USP54: variants seen among roughly 807,000 people sequenced by gnomAD.
USP54 encodes the protein ubiquitin carboxyl-terminal hydrolase 54.
In USP54, 87 loss-of-function variants were observed where a neutral mutation model predicts 170.5. The ratio of observed to expected loss-of-function variants is 0.51; its 90% CI spans 0.43 to 0.61. The LOEUF is 0.61. Ranked by LOEUF, USP54 falls within the 20% of genes least tolerant of loss-of-function variation. The pLI, the probability that USP54 is intolerant of heterozygous loss-of-function variation, is 0.00. For synonymous variants in USP54, 655 were observed against 742.8 expected, an observed-to-expected ratio of 0.88 and a Z score of 1.92; for missense variants, 1,786 against 2,047.8, an observed-to-expected ratio of 0.87 and a Z score of 2.47.
At chr10:73,621,380 T>C (rs766317823) in intron 1 of USP54, among the ~76,000 whole-genome samples, 5 of 144,946 alleles carry the variant, frequency 3.4e-5, no homozygotes, top group Admixed American at 6.7e-5. Flanking sequence ...GACGGGAAGA[T>C]CACAAGGTCA....
chr10:73,600,477 A>G (rs555753910), intron 1 of USP54, among the ~76,000 whole-genome samples: 7 of 152,284 alleles, frequency 4.6e-5, no homozygotes, highest in African/African-American at 1.7e-4. Context: ...AATGAGGTAA[A>G]TGGTACATCA....
At chr10:73,531,651 T>C (rs1034658506) in intron 12 of USP54, among the ~76,000 whole-genome samples, 3 of 152,214 alleles carry the variant, frequency 2.0e-5, no homozygotes, top group Admixed American at 1.3e-4. Flanking sequence ...CTTTCCTTAA[T>C]TGTGGATCAT....
At position 73,516,593 on chromosome 10, in the gene USP54, G is replaced by A. The variant is rs147017396; in HGVS notation, c.3833C>T (p.Ala1278Val). 2 of 1,614,086 alleles carry A rather than the reference G, an allele frequency of 1.2e-6. No homozygotes were observed. Among genetic ancestry groups the A allele is most frequent in the African/African-American group, 2.7e-5 (2 of 74,920 alleles). ...RFCDSQLKHGAPRPGMKSSPH... is the reference protein window; with the variant it reads ...RFCDSQLKHGVPRPGMKSSPH... ...GGAGGACTTCATTCCTGGCCTAGGT[G>A]CCCCATGCTTAAGCTGAGAATCACA... Residue 1278 changes from alanine to valine, a missense_variant, in exon 20 of 24, where the codon GCA becomes GTA. Physicochemically the swap from Ala to Val is moderately conservative, Grantham distance 64. This residue lies in a region of USP54 where 1,418 missense variants were observed against 1,569.0 expected (regional missense o/e 0.90). Coordinates refer to ENST00000687698, the MANE Select transcript of USP54 (RefSeq NM_001391956.1).
chr10:73,617,985 C>T lies in USP54; in HGVS notation c.-18+7582G>A, dbSNP rs776949644. On this transcript the variant is annotated intron_variant, in intron 1 of 22. Coordinates refer to the USP54 transcript ENST00000339859. ...CAGCATTCTGGGAGTGCAAGGTTGA[C>T]GGATCATCTGAGGTCAGGAGTTCGA... is the stretch of plus-strand genomic sequence containing the variant. Among the ~76,000 whole-genome samples the T allele has an allele frequency of 1.7e-4, 26 of 150,260 alleles. 1 individual carries two copies. The highest frequency in any genetic ancestry group is 2.1e-4 in the Non-Finnish European group (14 of 68,018).
At chr10:73,586,061 G>A (rs1364593090) in intron 1 of USP54, among the ~76,000 whole-genome samples, 1 of 151,958 alleles carries the variant, frequency 6.6e-6, no homozygotes, top group Non-Finnish European at 1.5e-5. Context: ...AATATGTCTG[G>A]CACCAGCGTA....
intron 4 of USP54, among the ~76,000 whole-genome samples, chr10:73,570,278 T>G (rs562298988): frequency 6.6e-6 from 1 of 152,186 alleles, no homozygotes; most frequent in African/African-American, 2.4e-5. Context: ...ATCATAGCTC[T>G]TTCTCTTTAG....
At chr10:73,547,960 G>A (rs2068240547) in intron 4 of USP54, among the ~76,000 whole-genome samples, 1 of 151,904 alleles carries the variant, frequency 6.6e-6, no homozygotes. Context: ...CAGAACGGTA[G>A]AACATTTTTG....
intron 20 of USP54, among the ~76,000 whole-genome samples, chr10:73,511,439 T>C (rs934058249): frequency 2.0e-5 from 3 of 151,974 alleles, no homozygotes; most frequent in East Asian, 3.9e-4. Context: ...GGCAGGTGGA[T>C]TGCTTGAGCT....
chr10:73,570,263 T>TA (rs1046561453), intron 4 of USP54, among the ~76,000 whole-genome samples: 135 of 152,200 alleles, frequency 8.9e-4, no homozygotes, highest in African/African-American at 3.1e-3. Flanking sequence ...AATTGGCCCT[T>TA]ACACATCATA....
chr10:73,514,578 T>A (rs1351265150), intron 20 of USP54, among the ~76,000 whole-genome samples: 1 of 149,540 alleles, frequency 6.7e-6, no homozygotes, highest in African/African-American at 2.5e-5. Flanking sequence ...AAAAAAAAAA[T>A]TATTTGTGTA....
In USP54 at chr10:73,624,393, G is replaced by GC. The variant is rs966064623; in HGVS notation, c.-18+1173_-18+1174insG. On this transcript the variant is annotated intron_variant, in intron 1 of 22. Transcript: ENST00000339859. ...TTATATTTTTTTAGTAGAGACGGGGGGGGGGGGTTTCACCATGTTAGCCAG... is the reference window on the plus strand; with the variant it reads ...TTATATTTTTTTAGTAGAGACGGGGGCGGGGGGGTTTCACCATGTTAGCCAG... 25 of 140,810 alleles carry GC rather than the reference G, an allele frequency of 1.8e-4. 1 individual carries two copies. Among genetic ancestry groups the GC allele is most frequent in the African/African-American group, 5.9e-4 (23 of 38,846 alleles). 8.7% of individuals were successfully genotyped at this position (140,810 alleles called of 1,614,324 possible).
intron 4 of USP54, among the ~76,000 whole-genome samples, chr10:73,561,253 T>C (rs533325440): frequency 5.9e-5 from 9 of 152,214 alleles, no homozygotes; most frequent in Admixed American, 1.3e-4. Context: ...AGTTGAGCTA[T>C]TTTCCCAAAA....
At chr10:73,518,547 C>T (rs2061410291) in intron 19 of USP54, among the ~76,000 whole-genome samples, 1 of 152,076 alleles carries the variant, frequency 6.6e-6, no homozygotes, top group Non-Finnish European at 1.5e-5. Context: ...ATATTCAAAA[C>T]AAGCCCCTAA....
chr10:73,513,266 C>T (rs1194753813), intron 20 of USP54: 1 of 152,114 alleles, frequency 6.6e-6, no homozygotes, highest in Non-Finnish European at 1.5e-5. Context: ...GAGTTCGAGA[C>T]CAGCCTGGCC....
chr10:73,528,583 T>C (rs1406627011), intron 15 of USP54, among the ~76,000 whole-genome samples: 1 of 151,836 alleles, frequency 6.6e-6, no homozygotes, highest in Admixed American at 6.6e-5. Context: ...TTTTTTTTTT[T>C]TTTGAGATGG....
intron 4 of USP54, among the ~76,000 whole-genome samples, chr10:73,570,550 C>CTTT (rs554652532): frequency 2.3e-5 from 3 of 132,256 alleles, no homozygotes; most frequent in Non-Finnish European, 3.3e-5. Flanking sequence ...TTTCCTTTTT[C>CTTT]TTTTTTTTTT....
chr10:73,544,162 C>T (rs1331730954), intron 5 of USP54, among the ~76,000 whole-genome samples: 1 of 152,112 alleles, frequency 6.6e-6, no homozygotes, highest in Non-Finnish European at 1.5e-5. Context: ...AGGCTGCTCT[C>T]GAACTCCTGA....
chr10:73,551,526 GA>G (rs1391305683), intron 4 of USP54, among the ~76,000 whole-genome samples: 1 of 152,144 alleles, frequency 6.6e-6, no homozygotes, highest in African/African-American at 2.4e-5. Flanking sequence ...AACCTTTGGA[GA>G]AATAAGGAGA....
intron 7 of USP54, 178 bp from the exon 8 acceptor site, chr10:73,541,916 C>T (rs2066677650): frequency 1.6e-6 from 1 of 609,510 alleles, no homozygotes; most frequent in Admixed American, 2.8e-5. Context: ...GTCCCCAGAT[C>T]CAAAGCTCAT....
Sources: allele counts gnomAD v4.1 joint callset (sites outside exome capture counted in the v4.1 genomes callset), GRCh38; gene constraint gnomAD v4.1.1; regional missense constraint gnomAD v4.1.1; transcripts MANE v1.5; gene names NCBI Gene and HGNC (gene_info 2026-07-23, HGNC 2026-07-21).